Variants in CRIM1 observed in about 807,000 individuals in gnomAD.
The protein encoded by CRIM1 is cysteine rich transmembrane BMP regulator 1.
CRIM1 carries 32 observed loss-of-function variants against 116.4 expected under a neutral mutation model. That is an observed-to-expected ratio of 0.27 (90% CI 0.21 to 0.37). The LOEUF (loss-of-function observed/expected upper bound fraction) is 0.37. Among genes scored for constraint, CRIM1 ranks in the 10% least tolerant of loss-of-function variants. The pLI is 1.00. For missense variants in CRIM1, 1,331 were observed against 1,354.8 expected, an observed-to-expected ratio of 0.98 and a Z score of 0.28; for synonymous variants, 590 against 509.2, an observed-to-expected ratio of 1.16 and a Z score of -2.13.
intron 12 of CRIM1, among the ~76,000 whole-genome samples, chr2:36,518,090 C>G (rs1665147481): frequency 6.6e-6 from 1 of 152,152 alleles, no homozygotes; most frequent in South Asian, 2.1e-4. Flanking sequence ...ATAAGGAGTG[C>G]TATTATTTTC....
intron 1 of CRIM1, among the ~76,000 whole-genome samples, chr2:36,376,538 T>C (rs141111003): frequency 6.6e-6 from 1 of 152,250 alleles, no homozygotes; most frequent in Non-Finnish European, 1.5e-5. Flanking sequence ...GATACGAGAA[T>C]GTGGGAGAAG....
intron 4 of CRIM1, among the ~76,000 whole-genome samples, chr2:36,459,171 G>A (rs1677389962): frequency 6.6e-6 from 1 of 152,098 alleles, no homozygotes; most frequent in African/African-American, 2.4e-5. Context: ...CTTGGAAAGT[G>A]GATTGCAAAT....
At chr2:36,435,629 G>C (rs1363252102) in intron 2 of CRIM1, among the ~76,000 whole-genome samples, 1 of 148,970 alleles carries the variant, frequency 6.7e-6, no homozygotes, top group Non-Finnish European at 1.5e-5. Flanking sequence ...CGCAGTTTTT[G>C]TCATTACTTT....
chr2:36,549,870 T>C lies in CRIM1; in HGVS notation c.*1169T>C, dbSNP rs1407150207. On this transcript the variant is annotated 3_prime_UTR_variant, in exon 17 of 17. Coordinates refer to ENST00000280527, the MANE Select transcript of CRIM1 (RefSeq NM_016441.3). ...ATATATACATATATATTTATACACA[T>C]ACAATTTATGTTTTCCTGTTGAATG... is the stretch of plus-strand genomic sequence containing the variant. 6.6e-6 allele frequency: 1 copy of C among 152,086 alleles called. No homozygotes were observed. Among genetic ancestry groups the C allele is most frequent in the African/African-American group, 2.4e-5 (1 of 41,370 alleles). The allele number at this position is 152,086 out of a possible 1,614,324, so 9.4% of individuals were successfully genotyped here. A position where few individuals can be genotyped will look rare whatever the true frequency, so the allele number is the denominator to read the frequency against.
chr2:36,452,492 A>T (rs1485383092), intron 4 of CRIM1, among the ~76,000 whole-genome samples: 1 of 152,202 alleles, frequency 6.6e-6, no homozygotes, highest in Admixed American at 6.5e-5. Flanking sequence ...TTAAACTCTG[A>T]TGTTTTTAAA....
intron 2 of CRIM1, among the ~76,000 whole-genome samples, chr2:36,415,774 G>C (rs1408040386): frequency 2.6e-5 from 4 of 152,130 alleles, no homozygotes; most frequent in Non-Finnish European, 5.9e-5. Flanking sequence ...TATGTGGTAG[G>C]ACCTTATTAT....
chr2:36,395,496 A>G (rs1029536768), intron 1 of CRIM1, among the ~76,000 whole-genome samples: 1 of 152,214 alleles, frequency 6.6e-6, no homozygotes, highest in South Asian at 2.1e-4. Context: ...AAAAAACCCC[A>G]TATAATGGCC....
At chr2:36,475,495 GTT>G (rs1678900156) in intron 5 of CRIM1, among the ~76,000 whole-genome samples, 1 of 152,140 alleles carries the variant, frequency 6.6e-6, no homozygotes, top group South Asian at 2.1e-4. Context: ...CCTTAAAACT[GTT>G]TACATACAAG....
Position 36,517,522 on chromosome 2 carries a change from C to G in CRIM1, c.2186C>G (p.Ser729Cys), listed in dbSNP as rs1474964244. 2.5e-6 allele frequency: 4 copies of G among 1,613,638 alleles called. No homozygotes were observed. The highest frequency in any genetic ancestry group is 3.4e-6 in the Non-Finnish European group (4 of 1,179,862). Reference protein sequence around the residue: ...LCQNPSRTQDSCCPQCTDQPF... With the variant: ...LCQNPSRTQDCCCPQCTDQPF... ...CAGAACCCCTCACGCACCCAGGATT[C>G]CTGCTGCCCACAGTGTACAGGTAAG... Residue 729 changes from serine to cysteine, a missense_variant, in exon 12 of 17, where the codon TCC becomes TGC. Ser to Cys is a moderately radical substitution (Grantham distance 112, BLOSUM62 -1). Around this residue, in one of 3 missense-constraint regions of CRIM1, gnomAD observed 358 missense variants for 436.1 expected, o/e 0.82. Transcript: ENST00000280527.
intron 1 of CRIM1, among the ~76,000 whole-genome samples, chr2:36,396,027 A>G (rs1024294014): frequency 3.3e-5 from 5 of 151,572 alleles, no homozygotes. Context: ...CCCACCTCAA[A>G]CTCCTGAGTG....
chr2:36,444,987 C>T (rs1157769401), intron 4 of CRIM1, among the ~76,000 whole-genome samples: 2 of 152,186 alleles, frequency 1.3e-5, no homozygotes, highest in African/African-American at 4.8e-5. Context: ...CTTTTCATAA[C>T]ACATTGAACA....
chr2:36,396,336 G>A lies in CRIM1; in HGVS notation c.332-278G>A, dbSNP rs540461046. On this transcript the variant is annotated intron_variant, in intron 1 of 16. Coordinates refer to ENST00000280527, the MANE Select transcript of CRIM1 (RefSeq NM_016441.3). ...CATTTTTAAAGGCATCTCAGTTGTT[G>A]TTGTAATAACACATTAAGAGAAGTA... is the stretch of plus-strand genomic sequence containing the variant. Among the ~76,000 whole-genome samples the A allele has an allele frequency of 2.6e-5, 4 of 152,296 alleles. No individual in the cohort carries two copies. In the South Asian group the frequency reaches 8.3e-4, roughly 32 times the overall value.
chr2:36,544,478 A>G lies in CRIM1; in HGVS notation c.2726A>G (p.Asp909Gly), dbSNP rs943569369. ...CTGTGGCCCACGCCTAGTGAAAATG[A>G]TATCGTCCATCTCCCTAGAGGTAAG... The part of the protein sequence containing the change: ...VPLWPTPSEN[D>G]IVHLPRDMGH... Residue 909 changes from aspartate to glycine, a missense_variant, in exon 15 of 17, where the codon GAT (aspartate) becomes GGT (glycine). Asp to Gly is a moderately conservative substitution (Grantham distance 94, BLOSUM62 -1). This residue lies in a region of CRIM1 where 283 missense variants were observed against 242.8 expected (regional missense o/e 1.17). Coordinates refer to ENST00000280527, the MANE Select transcript of CRIM1 (RefSeq NM_016441.3). 6.5e-6 allele frequency: 9 copies of G among 1,380,262 alleles called. No individual in the cohort carries two copies. The Middle Eastern group carries it at 9.6e-4, about 147-fold the overall frequency. 85.5% of individuals were successfully genotyped at this position (1,380,262 alleles called of 1,614,324 possible). A position where few individuals can be genotyped will look rare whatever the true frequency, so the allele number is the denominator to read the frequency against.
rs190966473 is a variant in CRIM1 at position 36,421,084 on chromosome 2, T to C, written c.506-20174T>C. Among the ~76,000 whole-genome samples, 5 of 152,338 alleles carry C rather than the reference T, an allele frequency of 3.3e-5. No individual in the cohort carries two copies. The East Asian group carries it at 9.6e-4, about 29-fold the overall frequency. ...CTAGTGTTTTCATACAGTCTTTTGATCCTTGGTCCCGCATAACTACTGTTA... is the reference window on the plus strand; with the variant it reads ...CTAGTGTTTTCATACAGTCTTTTGACCCTTGGTCCCGCATAACTACTGTTA... On this transcript the variant is annotated intron_variant, in intron 2 of 16. Coordinates refer to ENST00000280527, the MANE Select transcript of CRIM1 (RefSeq NM_016441.3).
At chr2:36,401,319 A>T (rs1672389021) in intron 2 of CRIM1, among the ~76,000 whole-genome samples, 1 of 152,246 alleles carries the variant, frequency 6.6e-6, no homozygotes, top group Admixed American at 6.5e-5. Flanking sequence ...GATAACAGTC[A>T]GCCGTGGCTT....
At chr2:36,524,074 T>C (rs1235307612) in intron 13 of CRIM1, among the ~76,000 whole-genome samples, 1 of 152,234 alleles carries the variant, frequency 6.6e-6, no homozygotes, top group African/African-American at 2.4e-5. Context: ...TCCATATAAT[T>C]TATTCTTCAA....
rs187048726 is a variant in CRIM1, at chr2:36,549,427, A to G, written c.*726A>G. On this transcript the variant is annotated 3_prime_UTR_variant, in exon 17 of 17. Transcript: ENST00000280527. ...CAATCAGCCAGTTCCTAGCAGAGTCAGCACATGAACAAGATCTAAGTCATT... is the reference window on the plus strand; with the variant it reads ...CAATCAGCCAGTTCCTAGCAGAGTCGGCACATGAACAAGATCTAAGTCATT... 2.6e-4 allele frequency: 40 copies of G among 152,538 alleles called. No individual in the cohort carries two copies. In the East Asian group the frequency reaches 7.7e-3, roughly 30 times the overall value. 9.4% of individuals were successfully genotyped at this position (152,538 alleles called of 1,614,324 possible).
chr2:36,371,462 G>T (rs1669940292), intron 1 of CRIM1, among the ~76,000 whole-genome samples: 1 of 152,146 alleles, frequency 6.6e-6, no homozygotes, highest in Non-Finnish European at 1.5e-5. Flanking sequence ...GGTCATCCAA[G>T]ATATTATACA....
At chr2:36,407,732 A>G (rs1253912413) in intron 2 of CRIM1, among the ~76,000 whole-genome samples, 3 of 151,342 alleles carry the variant, frequency 2.0e-5, no homozygotes, top group Admixed American at 6.6e-5. Flanking sequence ...GGAAGTCACG[A>G]TTAAATATCT....
Sources: gnomAD v4.1 joint callset for allele counts (sites outside exome capture counted in the v4.1 genomes callset) on GRCh38, gnomAD v4.1.1 for gene constraint, gnomAD v4.1.1 regional missense constraint, MANE v1.5 for transcripts, NCBI Gene and HGNC (gene_info 2026-07-23, HGNC 2026-07-21) for gene names.